CNTN5: variants seen among roughly 807,000 people sequenced by gnomAD.
CNTN5 encodes contactin-5.
In CNTN5, 77 loss-of-function variants were observed where a neutral mutation model predicts 129.1. The ratio of observed to expected loss-of-function variants is 0.60; its 90% CI spans 0.50 to 0.72. The LOEUF (loss-of-function observed/expected upper bound fraction) is 0.72, where lower values mean the gene tolerates loss of function less well. Among genes scored for constraint, CNTN5 ranks in the 30% least tolerant of loss-of-function variants. The pLI is 0.00. For synonymous variants in CNTN5, 509 were observed against 465.6 expected (o/e 1.09, Z -1.20); for missense variants, 1,478 against 1,328.8 (o/e 1.11, Z -1.75).
intron 18 of CNTN5, among the ~76,000 whole-genome samples, chr11:100,293,080 A>C (rs1444244799): frequency 6.6e-6 from 1 of 151,884 alleles, no homozygotes; most frequent in Non-Finnish European, 1.5e-5. Context: ...GGGTATGTGA[A>C]TAGGCTTTGT....
At chr11:99,525,707 G>A (rs1591217712) in intron 2 of CNTN5, among the ~76,000 whole-genome samples, 4 of 152,224 alleles carry the variant, frequency 2.6e-5, no homozygotes, top group Non-Finnish European at 5.9e-5. Context: ...AAAGCAAAAG[G>A]AAGAATGTGG....
intron 13 of CNTN5, among the ~76,000 whole-genome samples, chr11:100,121,410 A>G (rs546443717): frequency 1.3e-5 from 2 of 150,608 alleles, no homozygotes; most frequent in South Asian, 4.2e-4. Flanking sequence ...AATAGAGGAG[A>G]TTTTTTTCTT....
Position 99,745,955 on chromosome 11 carries a change from T to C in CNTN5, c.56-73589T>C, listed in dbSNP as rs537746335. The stretch of plus-strand genomic sequence containing the variant: ...GACCAGTGATGAAATTGGACTTCCA[T>C]TGGTGGAGGTGACAAATATGTTCAG... On this transcript the variant is annotated intron_variant, in intron 3 of 24. Transcript: ENST00000524871. Among the ~76,000 whole-genome samples, 289 of 152,244 alleles carry C rather than the reference T, an allele frequency of 1.9e-3. 2 individuals are homozygous for C. Among genetic ancestry groups the C allele is most frequent in the African/African-American group, 6.6e-3 (276 of 41,550 alleles).
At chr11:99,714,777 T>A (rs12574783) in intron 3 of CNTN5, among the ~76,000 whole-genome samples, 4,524 of 151,946 alleles carry the variant, frequency 0.03, 152 homozygotes, top group East Asian at 0.19. Context: ...GGATTATCAT[T>A]TGTTTGATGG....
At chr11:99,476,930 A>G (rs1244000685) in intron 2 of CNTN5, among the ~76,000 whole-genome samples, 1 of 152,010 alleles carries the variant, frequency 6.6e-6, no homozygotes, top group Non-Finnish European at 1.5e-5. Flanking sequence ...AGTGAGATAC[A>G]TATATAGATG....
chr11:99,502,259 C>T (rs962091469), intron 2 of CNTN5, among the ~76,000 whole-genome samples: 2 of 152,164 alleles, frequency 1.3e-5, no homozygotes, highest in African/African-American at 2.4e-5. Flanking sequence ...TTATTTAGAA[C>T]GATGCTTTTT....
In CNTN5 at chr11:99,673,770, A is replaced by T. The variant is rs1473428648; in HGVS notation, c.55+117501A>T. ...CTCCACCTGTGTCCCTGCAGAAAAA[A>T]AAAAAAGATCTCATCCTTTTTCATA... On this transcript the variant is annotated intron_variant, in intron 3 of 24. Coordinates refer to ENST00000524871, the MANE Select transcript of CNTN5 (RefSeq NM_014361.4). Among the ~76,000 whole-genome samples, 3 of 152,296 alleles carry T rather than the reference A, an allele frequency of 2.0e-5. No individual in the cohort carries two copies. The East Asian group carries it at 5.8e-4, about 29-fold the overall frequency.
At chr11:99,469,744 AT>A (rs201558442) in intron 2 of CNTN5, among the ~76,000 whole-genome samples, 7 of 151,422 alleles carry the variant, frequency 4.6e-5, no homozygotes, top group African/African-American at 9.7e-5. Flanking sequence ...AAATTTTTAA[AT>A]TTTTTTTTGG....
intron 13 of CNTN5, among the ~76,000 whole-genome samples, chr11:100,187,624 A>G (rs1224247746): frequency 6.6e-6 from 1 of 152,110 alleles, no homozygotes; most frequent in Non-Finnish European, 1.5e-5. Flanking sequence ...TGAATAGAGA[A>G]ACCAGAAAGA....
intron 8 of CNTN5, among the ~76,000 whole-genome samples, chr11:99,990,463 C>T (rs979390211): frequency 2.7e-5 from 4 of 150,884 alleles, no homozygotes; most frequent in African/African-American, 7.3e-5. Context: ...TATACACACA[C>T]ACACACACAC....
At chr11:99,860,890 G>A (rs974476590) in intron 6 of CNTN5, among the ~76,000 whole-genome samples, 2 of 151,648 alleles carry the variant, frequency 1.3e-5, no homozygotes, top group Non-Finnish European at 2.9e-5. Context: ...ATTACTTTGG[G>A]CAGTGTGGGC....
chr11:100,163,261 T>G (rs1331854092), intron 13 of CNTN5, among the ~76,000 whole-genome samples: 1 of 151,844 alleles, frequency 6.6e-6, no homozygotes, highest in Non-Finnish European at 1.5e-5. Context: ...AACCTGAGTC[T>G]CATTATAAAA....
chr11:100,105,481 G>C (rs1185562037), intron 13 of CNTN5, among the ~76,000 whole-genome samples: 1 of 152,126 alleles, frequency 6.6e-6, no homozygotes, highest in Non-Finnish European at 1.5e-5. Flanking sequence ...GGAATAACTA[G>C]GTCCAAAGTG....
intron 1 of CNTN5, among the ~76,000 whole-genome samples, chr11:99,298,500 A>T (rs1056822498): frequency 2.0e-5 from 3 of 152,180 alleles, no homozygotes; most frequent in Non-Finnish European, 4.4e-5. Context: ...AGGTTTTCGC[A>T]TTTGTCTGGC....
rs538628027 is a variant in CNTN5, at chr11:100,329,793, G to T, written c.2731-10670G>T. Among the ~76,000 whole-genome samples the T allele has an allele frequency of 2.0e-5, 3 of 152,228 alleles. No individual in the cohort carries two copies. In the East Asian group the frequency reaches 5.8e-4, roughly 29 times the overall value. On this transcript the variant is annotated intron_variant, in intron 21 of 24. Transcript: ENST00000524871. ...GAAAGGGAGAGAACACCACATCAAGGGAGCACCCCATAGGACAAAAGAACC... is the reference window on the plus strand; with the variant it reads ...GAAAGGGAGAGAACACCACATCAAGTGAGCACCCCATAGGACAAAAGAACC...
At chr11:99,817,743 C>A (rs1220864105) in intron 3 of CNTN5, among the ~76,000 whole-genome samples, 1 of 151,910 alleles carries the variant, frequency 6.6e-6, no homozygotes, top group Non-Finnish European at 1.5e-5. Context: ...CTTTTCATTA[C>A]CTTACACCTC....
chr11:100,044,467 C>T (rs1942558352), intron 9 of CNTN5, among the ~76,000 whole-genome samples: 1 of 150,182 alleles, frequency 6.7e-6, no homozygotes, highest in Admixed American at 6.7e-5. Flanking sequence ...ATAAGCATTC[C>T]CTTTTCTCTG....
chr11:99,979,123 T>G (rs1399926643), intron 8 of CNTN5, among the ~76,000 whole-genome samples: 3 of 152,204 alleles, frequency 2.0e-5, no homozygotes, highest in Non-Finnish European at 4.4e-5. Context: ...GATTTTTGTT[T>G]CATTTCGTTT....
chr11:99,817,272 G>A (rs540259757), intron 3 of CNTN5, among the ~76,000 whole-genome samples: 7 of 152,248 alleles, frequency 4.6e-5, no homozygotes, highest in South Asian at 4.2e-4. Context: ...ACAGCTTTGC[G>A]TTCACATTAA....
Sources: allele counts gnomAD v4.1 joint callset (sites outside exome capture counted in the v4.1 genomes callset), GRCh38; gene constraint gnomAD v4.1.1; transcripts MANE v1.5; gene names NCBI Gene and HGNC (gene_info 2026-07-23, HGNC 2026-07-21).